The following HTR1E variants were observed in gnomAD, a reference collection of about 807,000 sequenced individuals.
HTR1E encodes 5-hydroxytryptamine receptor 1E.
Under a neutral mutation model 3.4 loss-of-function variants are expected in HTR1E, and 3 were observed. The observed-to-expected ratio is 0.89, with a 90% CI of 0.41 to 2.31. The LOEUF is 2.31. Among genes scored for constraint, HTR1E ranks in the 30% most tolerant of loss-of-function variants. The pLI is 0.05. For synonymous variants in HTR1E, 170 were observed against 182.8 expected (o/e 0.93, Z 0.56); for missense variants, 392 against 467.0 (o/e 0.84, Z 1.48).
chr6:86,998,842 GA>G (rs1486068362), intron 1 of HTR1E, among the ~76,000 whole-genome samples: 1 of 151,930 alleles, frequency 6.6e-6, no homozygotes, highest in African/African-American at 2.4e-5. Context: ...GAAAAAAGAG[GA>G]AAAAACTGAA....
At chr6:86,992,810 C>A (rs974334199) in intron 1 of HTR1E, among the ~76,000 whole-genome samples, 6 of 152,148 alleles carry the variant, frequency 3.9e-5, no homozygotes, top group African/African-American at 1.4e-4. Context: ...GATTAAGTAA[C>A]TTACCCAAGG....
chr6:87,010,260 G>A (rs1321882895), intron 1 of HTR1E, among the ~76,000 whole-genome samples: 7 of 113,876 alleles, frequency 6.1e-5, no homozygotes, highest in African/African-American at 1.2e-4. Flanking sequence ...AGTAGGGGCG[G>A]CCGGGCAGAG....
intron 1 of HTR1E, chr6:87,000,403 T>C (rs1423321248): frequency 1.3e-5 from 2 of 152,138 alleles, no homozygotes; most frequent in Non-Finnish European, 2.9e-5. Context: ...AAGAAGACGA[T>C]TAAACACCAA....
In HTR1E at chr6:87,015,909, A is replaced by G; in HGVS notation, c.575A>G (p.Tyr192Cys). 2.5e-6 allele frequency: 4 copies of G among 1,613,562 alleles called. No individual in the cohort carries two copies. The highest frequency in any genetic ancestry group is 3.4e-6 in the Non-Finnish European group (4 of 1,179,610). The change falls in exon 2 of 2, where the codon TAT (tyrosine) becomes TGT (cysteine). Residue 192 changes from tyrosine (Y) to cysteine (C), a missense_variant. Physicochemically the swap from Tyr to Cys is radical, Grantham distance 194. This residue lies in a region of HTR1E where 189 missense variants were observed against 258.0 expected (regional missense o/e 0.73). Coordinates refer to ENST00000305344, the MANE Select transcript of HTR1E (RefSeq NM_000865.3). ...YTIYSTLGAF[Y>C]IPLTLILILY... ...ATTTACTCCACGCTGGGTGCGTTTT[A>G]TATCCCCTTGACTTTGATACTGATT...
chr6:86,958,659 G>A (rs1007355407), intron 1 of HTR1E, among the ~76,000 whole-genome samples: 10 of 152,168 alleles, frequency 6.6e-5, no homozygotes, highest in Non-Finnish European at 1.3e-4. Flanking sequence ...AAATGCCCTT[G>A]TGCCATTATT....
Position 87,015,491 on chromosome 6 carries a change from C to G in HTR1E, c.157C>G (p.Leu53Val), listed in dbSNP as rs771013612. The stretch of plus-strand genomic sequence containing the variant: ...CATGGCTATTGGCACCACCAAGAAG[C>G]TCCACCAGCCTGCCAACTACCTAAT... ...VIMAIGTTKK[L>V]HQPANYLICS... The change falls in exon 2 of 2, where the codon CTC (leucine) becomes GTC (valine). Residue 53 changes from leucine (L) to valine (V), a missense_variant. This residue lies in a region of HTR1E where 189 missense variants were observed against 258.0 expected (regional missense o/e 0.73). Transcript: ENST00000305344. 1 of 1,613,958 alleles carries G rather than the reference C, an allele frequency of 6.2e-7. No individual in the cohort carries two copies. The highest frequency in any genetic ancestry group is 8.5e-7 in the Non-Finnish European group (1 of 1,179,982).
At chr6:86,945,293 A>G (rs2127816095) in intron 1 of HTR1E, among the ~76,000 whole-genome samples, 1 of 152,290 alleles carries the variant, frequency 6.6e-6, no homozygotes, top group African/African-American at 2.4e-5. Context: ...CCCAGGCTGG[A>G]GTGCAGCAGC....
At chr6:86,975,065 T>C (rs1250916370) in intron 1 of HTR1E, among the ~76,000 whole-genome samples, 1 of 152,182 alleles carries the variant, frequency 6.6e-6, no homozygotes, top group African/African-American at 2.4e-5. Context: ...TTATTGCATT[T>C]GGGGTGGTAC....
intron 1 of HTR1E, among the ~76,000 whole-genome samples, chr6:86,993,272 TAAAA>T (rs61238932): frequency 6.8e-6 from 1 of 147,336 alleles, no homozygotes; most frequent in Non-Finnish European, 1.5e-5. Context: ...AAAGTTTATT[TAAAA>T]AAAAAAAGAT....
chr6:86,938,498 G>A (rs990565979), intron 1 of HTR1E, among the ~76,000 whole-genome samples: 1 of 152,166 alleles, frequency 6.6e-6, no homozygotes, highest in Non-Finnish European at 1.5e-5. Flanking sequence ...AGGAAATTGA[G>A]TCTAAAGGGA....
chr6:86,943,124 A>G lies in HTR1E; in HGVS notation c.-186+5301A>G, dbSNP rs143681877. On this transcript the variant is annotated intron_variant, in intron 1 of 1. Coordinates refer to ENST00000305344, the MANE Select transcript of HTR1E (RefSeq NM_000865.3). ...TTAATGATTACATAGTATTGTTACT[A>G]TTACCACATAGTCCTGTTATATTAA... Among the ~76,000 whole-genome samples, 615 of 152,332 alleles carry G rather than the reference A, an allele frequency of 4.0e-3. 3 individuals carry two copies. Among genetic ancestry groups the G allele is most frequent in the African/African-American group, 0.014 (591 of 41,572 alleles).
chr6:87,015,693 G>A lies in HTR1E; in HGVS notation c.359G>A (p.Arg120Lys), dbSNP rs1309122764. 5 of 1,613,862 alleles carry A rather than the reference G, an allele frequency of 3.1e-6. No individual in the cohort carries two copies. Among genetic ancestry groups the A allele is most frequent in the African/African-American group, 1.3e-5 (1 of 74,920 alleles). ...CACCTCTGTGTCATTGCCCTGGACA[G>A]GTACTGGGCCATCACCAATGCTATT... Reference protein sequence around the residue: ...ILHLCVIALDRYWAITNAIEY... With the variant: ...ILHLCVIALDKYWAITNAIEY... The change falls in exon 2 of 2, where the codon AGG (arginine) becomes AAG (lysine). Residue 120 changes from arginine (R) to lysine (K), a missense_variant. Coordinates refer to ENST00000305344, the MANE Select transcript of HTR1E (RefSeq NM_000865.3).
intron 1 of HTR1E, among the ~76,000 whole-genome samples, chr6:86,964,190 T>C (rs1582263072): frequency 6.6e-6 from 1 of 152,260 alleles, no homozygotes; most frequent in East Asian, 1.9e-4. Flanking sequence ...AGAAAGCTCA[T>C]ATAGCCATTT....
intron 1 of HTR1E, among the ~76,000 whole-genome samples, chr6:87,010,310 G>GGGGGCTGACC (rs1478680560): frequency 8.3e-6 from 1 of 120,518 alleles, no homozygotes; most frequent in Non-Finnish European, 1.7e-5. Flanking sequence ...GGCCGGGCGG[G>GGGGGCTGACC]GGGGCTGACC....
At chr6:86,972,648 T>G (rs2127823361) in intron 1 of HTR1E, among the ~76,000 whole-genome samples, 1 of 152,318 alleles carries the variant, frequency 6.6e-6, no homozygotes, top group East Asian at 1.9e-4. Context: ...ACTTTAAAAA[T>G]AATATTTCAA....
chr6:87,010,469 G>T (rs1322570731), intron 1 of HTR1E, among the ~76,000 whole-genome samples: 1 of 150,494 alleles, frequency 6.6e-6, no homozygotes, highest in Admixed American at 6.6e-5. Context: ...CCTCCCAGAC[G>T]GGGTCTCGGC....
chr6:87,004,497 T>C (rs973594614), intron 1 of HTR1E, among the ~76,000 whole-genome samples: 1 of 152,088 alleles, frequency 6.6e-6, no homozygotes, highest in Non-Finnish European at 1.5e-5. Context: ...ACAAAAACCA[T>C]ATGGTCACTT....
rs755468770 is a variant in HTR1E, at chr6:86,984,285, C to T, written c.-185-30865C>T. The stretch of plus-strand genomic sequence containing the variant: ...TAAAATATAATACTGTCTTCTTGGG[C>T]GAAAGGTCATATAATTCTACTCTCA... On this transcript the variant is annotated intron_variant, in intron 1 of 1. Transcript: ENST00000305344. 1.6e-4 allele frequency among the ~76,000 whole-genome samples: 24 copies of T among 152,030 alleles called. No individual in the cohort carries two copies. In the South Asian group the frequency reaches 1.9e-3, roughly 12 times the overall value.
intron 1 of HTR1E, among the ~76,000 whole-genome samples, chr6:86,964,018 A>G (rs1767441758): frequency 1.3e-5 from 2 of 152,180 alleles, no homozygotes; most frequent in Non-Finnish European, 2.9e-5. Context: ...AAATTACTCT[A>G]CAGTTCAGGA....
Sources: gnomAD v4.1 joint callset for allele counts (sites outside exome capture counted in the v4.1 genomes callset) on GRCh38, gnomAD v4.1.1 for gene constraint, gnomAD v4.1.1 regional missense constraint, MANE v1.5 for transcripts, NCBI Gene and HGNC (gene_info 2026-07-23, HGNC 2026-07-21) for gene names.